SDK1: variants seen among roughly 807,000 people sequenced by gnomAD.
SDK1 encodes the protein protein sidekick-1.
Under a neutral mutation model 245.5 loss-of-function variants are expected in SDK1, and 157 were observed. The ratio of observed to expected loss-of-function variants is 0.64; its 90% CI spans 0.56 to 0.73. The LOEUF is 0.73. Ranked by LOEUF, SDK1 falls within the 30% of genes least tolerant of loss-of-function variation. SDK1 has a pLI of 0.00. For synonymous variants in SDK1, 1,647 were observed against 1,278.5 expected, an observed-to-expected ratio of 1.29 and a Z score of -6.15; for missense variants, 3,583 against 3,002.3, an observed-to-expected ratio of 1.19 and a Z score of -4.52.
chr7:3,531,464 G>GTTT (rs1783341240), intron 1 of SDK1, among the ~76,000 whole-genome samples: 1 of 151,746 alleles, frequency 6.6e-6, no homozygotes, highest in Non-Finnish European at 1.5e-5. Context: ...ATGTCCTTTG[G>GTTT]ACTTTTTCAC....
At chr7:4,199,390 A>G (rs1344268914) in intron 35 of SDK1, among the ~76,000 whole-genome samples, 2 of 152,198 alleles carry the variant, frequency 1.3e-5, no homozygotes, top group African/African-American at 2.4e-5. Flanking sequence ...GATGATGGCT[A>G]TTGAGCTGAT....
intron 1 of SDK1, among the ~76,000 whole-genome samples, chr7:3,454,064 C>CT (rs1207756008): frequency 6.6e-6 from 1 of 152,078 alleles, no homozygotes; most frequent in African/African-American, 2.4e-5. Flanking sequence ...AAAAGGCTAA[C>CT]TTTTTTGTTA....
At chr7:4,071,286 A>G (rs1372296639) in intron 20 of SDK1, among the ~76,000 whole-genome samples, 2 of 152,122 alleles carry the variant, frequency 1.3e-5, no homozygotes, top group Admixed American at 6.5e-5. Context: ...CGGCCTCCCA[A>G]AGTGCTGGGA....
intron 22 of SDK1, among the ~76,000 whole-genome samples, chr7:4,091,338 T>TC (rs1554337382): frequency 9.4e-4 from 123 of 131,154 alleles, no homozygotes; most frequent in Middle Eastern, 3.6e-3. Context: ...TCTTTTCTTT[T>TC]TTTTTTTTTT....
intron 1 of SDK1, among the ~76,000 whole-genome samples, chr7:3,495,168 C>T (rs1781985730): frequency 2.0e-5 from 3 of 151,998 alleles, no homozygotes; most frequent in African/African-American, 7.3e-5. Context: ...TGCACATCCT[C>T]CTGATCATGC....
At chr7:4,177,909 C>A (rs1029069884) in intron 34 of SDK1, among the ~76,000 whole-genome samples, 3 of 152,286 alleles carry the variant, frequency 2.0e-5, no homozygotes, top group East Asian at 1.9e-4. Context: ...GCATTAGATT[C>A]TCATAAGAGT....
In SDK1 at chr7:3,301,772, G is replaced by C. The variant is rs1343581950; in HGVS notation, c.186G>C (p.Thr62=). The C allele has an allele frequency of 1.4e-5, 14 of 992,840 alleles. No individual in the cohort carries two copies. In the Admixed American group the frequency reaches 6.2e-4, roughly 44 times the overall value. 61.5% of individuals were successfully genotyped at this position (992,840 alleles called of 1,614,324 possible). The change falls in exon 1 of 45, where the codon ACG becomes ACC. Residue 62 remains threonine (T), a synonymous_variant. Transcript: ENST00000404826. ...RAAPETSGGD[T]AGAGRCGGRR... ...CGCCCGAGACCTCCGGCGGGGACACGGCGGGCGCGGGGCGGTGCGGCGGGC... is the reference window on the plus strand; with the variant it reads ...CGCCCGAGACCTCCGGCGGGGACACCGCGGGCGCGGGGCGGTGCGGCGGGC...
At chr7:3,847,940 TTC>T (rs1780321500) in intron 5 of SDK1, among the ~76,000 whole-genome samples, 1 of 152,180 alleles carries the variant, frequency 6.6e-6, no homozygotes, top group South Asian at 2.1e-4. Flanking sequence ...TAATATAATG[TTC>T]TTTTATGCTT....
At chr7:3,602,515 A>G (rs942221948) in intron 1 of SDK1, among the ~76,000 whole-genome samples, 1 of 151,732 alleles carries the variant, frequency 6.6e-6, no homozygotes, top group South Asian at 2.1e-4. Context: ...CCACTTTTTG[A>G]TGGGGTTGTT....
At chr7:3,632,850 T>C (rs1782339650) in intron 2 of SDK1, among the ~76,000 whole-genome samples, 1 of 152,204 alleles carries the variant, frequency 6.6e-6, no homozygotes. Context: ...CTTGTGTTTT[T>C]CTGAGACAGC....
At chr7:3,508,421 C>T (rs867989903) in intron 1 of SDK1, among the ~76,000 whole-genome samples, 17 of 150,464 alleles carry the variant, frequency 1.1e-4, no homozygotes, top group African/African-American at 4.9e-5. Context: ...TCTACCTCCT[C>T]GGTTCAAACA....
chr7:3,312,897 C>G (rs1266773903), intron 1 of SDK1, among the ~76,000 whole-genome samples: 1 of 152,092 alleles, frequency 6.6e-6, no homozygotes, highest in African/African-American at 2.4e-5. Context: ...CCGTAGTAAA[C>G]CCCACACAGG....
chr7:3,594,343 C>T (rs1780984109), intron 1 of SDK1, among the ~76,000 whole-genome samples: 1 of 152,188 alleles, frequency 6.6e-6, no homozygotes, highest in African/African-American at 2.4e-5. Context: ...ATTGCTTATC[C>T]ATTTATCAGT....
At position 3,398,008 on chromosome 7, in the gene SDK1, C is replaced by G. The variant is rs147737423; in HGVS notation, c.298+96124C>G. 4.8e-4 allele frequency among the ~76,000 whole-genome samples: 73 copies of G among 152,202 alleles called. 1 individual carries two copies. Among genetic ancestry groups the G allele is most frequent in the African/African-American group, 1.8e-3 (73 of 41,532 alleles). On this transcript the variant is annotated intron_variant, in intron 1 of 44. Transcript: ENST00000404826. ...TTTGTGGAAAGCCAGGCATGATGTA[C>G]TGAGTAGCAGGAACTGAAGTAGTAA... is the stretch of plus-strand genomic sequence containing the variant.
intron 5 of SDK1, among the ~76,000 whole-genome samples, chr7:3,882,978 T>C (rs1781243896): frequency 6.6e-6 from 1 of 152,304 alleles, no homozygotes; most frequent in East Asian, 1.9e-4. Flanking sequence ...ATAGATCAGT[T>C]GAAGTGCTGG....
At chr7:3,704,821 G>T (rs1301436140) in intron 4 of SDK1, among the ~76,000 whole-genome samples, 3 of 152,132 alleles carry the variant, frequency 2.0e-5, no homozygotes, top group Admixed American at 2.0e-4. Flanking sequence ...TATGGTTTCA[G>T]GTCTTAGATT....
Position 3,416,337 on chromosome 7 carries a change from G to A in SDK1, c.298+114453G>A, listed in dbSNP as rs1270661672. ...TCAGATAGTGGAGAACTGTGCTCCCGTTCTAGGGCCCTCCCTCCTTTCTCT... is the reference window on the plus strand; with the variant it reads ...TCAGATAGTGGAGAACTGTGCTCCCATTCTAGGGCCCTCCCTCCTTTCTCT... On this transcript the variant is annotated intron_variant, in intron 1 of 44. Transcript: ENST00000404826. Among the ~76,000 whole-genome samples the A allele has an allele frequency of 4.6e-5, 7 of 152,130 alleles. No homozygotes were observed. In the East Asian group the frequency reaches 5.8e-4, roughly 13 times the overall value.
chr7:3,932,267 G>A (rs1172272844), intron 5 of SDK1, among the ~76,000 whole-genome samples: 1 of 152,178 alleles, frequency 6.6e-6, no homozygotes, highest in African/African-American at 2.4e-5. Flanking sequence ...GATCTTAGCT[G>A]TGCTTTTGTG....
intron 4 of SDK1, among the ~76,000 whole-genome samples, chr7:3,676,817 A>G (rs1043219973): frequency 6.6e-6 from 1 of 152,178 alleles, no homozygotes; most frequent in East Asian, 1.9e-4. Flanking sequence ...TGTTGATCAG[A>G]TGGTTGTAGG....
Sources: allele counts gnomAD v4.1 joint callset (sites outside exome capture counted in the v4.1 genomes callset), GRCh38; gene constraint gnomAD v4.1.1; transcripts MANE v1.5; gene names NCBI Gene and HGNC (gene_info 2026-07-23, HGNC 2026-07-21).